DNAJC1: variants seen among roughly 807,000 people sequenced by gnomAD.
The protein encoded by DNAJC1 is DnaJ heat shock protein family (Hsp40) member C1, also known as dnaJ homolog subfamily C member 1.
DNAJC1 carries 58 observed loss-of-function variants against 76.6 expected under a neutral mutation model. That is an observed-to-expected ratio of 0.76 (90% CI 0.61 to 0.94). The LOEUF (loss-of-function observed/expected upper bound fraction) is 0.94, where lower values mean the gene tolerates loss of function less well. Ranked by LOEUF, DNAJC1 falls within the 40% of genes least tolerant of loss-of-function variation. The pLI, the probability that DNAJC1 is intolerant of heterozygous loss-of-function variation, is 0.00. For missense variants in DNAJC1, 689 were observed against 677.3 expected (o/e 1.02, Z -0.19); for synonymous variants, 258 against 267.9 (o/e 0.96, Z 0.36).
intron 8 of DNAJC1, among the ~76,000 whole-genome samples, chr10:21,835,781 G>A (rs999559684): frequency 1.3e-5 from 2 of 152,174 alleles, no homozygotes; most frequent in Admixed American, 6.6e-5. Flanking sequence ...ACATAAAAAA[G>A]AATGAAAAGA....
intron 8 of DNAJC1, among the ~76,000 whole-genome samples, chr10:21,862,572 G>A (rs533836820): frequency 1.3e-5 from 2 of 151,964 alleles, no homozygotes; most frequent in East Asian, 2.0e-4. Flanking sequence ...GAGATTACAG[G>A]TGCATGCCCC....
chr10:21,962,827 G>A (rs1465482092), intron 1 of DNAJC1, among the ~76,000 whole-genome samples: 1 of 151,828 alleles, frequency 6.6e-6, no homozygotes, highest in Non-Finnish European at 1.5e-5. Flanking sequence ...ATGAGAAAAA[G>A]TAAAATATTG....
intron 9 of DNAJC1, among the ~76,000 whole-genome samples, chr10:21,786,263 A>T (rs536875703): frequency 6.6e-6 from 1 of 152,008 alleles, no homozygotes; most frequent in Non-Finnish European, 1.5e-5. Context: ...GATAAAGATA[A>T]GGGAAAAGAG....
intron 9 of DNAJC1, chr10:21,785,458 G>A (rs1834593485): frequency 6.6e-6 from 1 of 152,216 alleles, no homozygotes. Context: ...GATATTCTCT[G>A]GTCCAAGGCC....
At chr10:21,857,749 G>A (rs966951304) in intron 8 of DNAJC1, among the ~76,000 whole-genome samples, 25 of 152,070 alleles carry the variant, frequency 1.6e-4, no homozygotes, top group African/African-American at 4.6e-4. Flanking sequence ...CCAGCTACTC[G>A]GGAGGCTGAG....
At chr10:21,902,485 A>C (rs923813319) in intron 7 of DNAJC1, among the ~76,000 whole-genome samples, 7 of 151,938 alleles carry the variant, frequency 4.6e-5, no homozygotes, top group African/African-American at 1.7e-4. Context: ...TTGTATTTTT[A>C]ATAGAGATGG....
At chr10:21,795,637 C>T (rs1377764449) in intron 9 of DNAJC1, among the ~76,000 whole-genome samples, 3 of 152,138 alleles carry the variant, frequency 2.0e-5, no homozygotes, top group Non-Finnish European at 4.4e-5. Flanking sequence ...CACAACTCTA[C>T]AAATTTACTA....
chr10:21,969,959 G>T (rs1274292249), intron 1 of DNAJC1, among the ~76,000 whole-genome samples: 1 of 151,756 alleles, frequency 6.6e-6, no homozygotes, highest in Non-Finnish European at 1.5e-5. Context: ...TTTATCTGCT[G>T]AGTTTCCAAT....
intron 1 of DNAJC1, among the ~76,000 whole-genome samples, chr10:21,988,717 A>G (rs1029612972): frequency 2.6e-5 from 4 of 152,200 alleles, no homozygotes; most frequent in African/African-American, 9.6e-5. Flanking sequence ...GATTATAAGA[A>G]AACAAATGTT....
Position 21,978,576 on chromosome 10 carries a change from T to A in DNAJC1, c.222+24637A>T, listed in dbSNP as rs1376039305. On this transcript the variant is annotated intron_variant, in intron 1 of 11. Coordinates refer to ENST00000376980, the MANE Select transcript of DNAJC1 (RefSeq NM_022365.4). Reference sequence around the variant, plus strand: ...GATTACATTTTGTCTTCCAATACTATCAAATTATTTCCTGTATGTAAAAGG... The same window carrying A: ...GATTACATTTTGTCTTCCAATACTAACAAATTATTTCCTGTATGTAAAAGG... 9.2e-5 allele frequency among the ~76,000 whole-genome samples: 14 copies of A among 152,086 alleles called. No individual in the cohort carries two copies. The East Asian group carries it at 2.1e-3, about 23-fold the overall frequency.
At chr10:21,986,620 T>C (rs1490255457) in intron 1 of DNAJC1, among the ~76,000 whole-genome samples, 1 of 152,168 alleles carries the variant, frequency 6.6e-6, no homozygotes, top group Non-Finnish European at 1.5e-5. Context: ...CTTTATTCTA[T>C]AAATATGTAA....
intron 8 of DNAJC1, among the ~76,000 whole-genome samples, chr10:21,846,161 T>C (rs1357088982): frequency 6.6e-6 from 1 of 152,216 alleles, no homozygotes; most frequent in Non-Finnish European, 1.5e-5. Context: ...CTCACATAGT[T>C]GATGTAAGGC....
intron 9 of DNAJC1, 138 bp from the exon 10 acceptor site, chr10:21,766,447 G>A (rs1424869180): frequency 4.5e-6 from 3 of 664,710 alleles, no homozygotes; most frequent in East Asian, 2.6e-5. Context: ...GTCGTCTGTC[G>A]CATCCATTAA....
chr10:21,923,830 C>T (rs941370520), intron 3 of DNAJC1, among the ~76,000 whole-genome samples: 12 of 151,638 alleles, frequency 7.9e-5, no homozygotes, highest in African/African-American at 2.7e-4. Flanking sequence ...CACTGAAAAA[C>T]AAATCTAAAA....
At chr10:21,864,788 T>A (rs1835971370) in intron 8 of DNAJC1, among the ~76,000 whole-genome samples, 1 of 152,002 alleles carries the variant, frequency 6.6e-6, no homozygotes, top group African/African-American at 2.4e-5. Context: ...ATACTTTTAC[T>A]AAAATAAAAA....
chr10:21,935,185 ACT>A (rs1837291075), intron 1 of DNAJC1, among the ~76,000 whole-genome samples: 1 of 152,174 alleles, frequency 6.6e-6, no homozygotes, highest in South Asian at 2.1e-4. Context: ...CTAGGCAAAG[ACT>A]CTAAATCAAT....
intron 1 of DNAJC1, among the ~76,000 whole-genome samples, chr10:21,946,892 G>T (rs138391008): frequency 1.2e-3 from 182 of 152,174 alleles, no homozygotes; most frequent in African/African-American, 4.2e-3. Flanking sequence ...GAACCTAATG[G>T]GAGGTGTTTA....
chr10:21,779,694 T>G (rs2131626931), intron 9 of DNAJC1, among the ~76,000 whole-genome samples: 1 of 152,234 alleles, frequency 6.6e-6, no homozygotes, highest in South Asian at 2.1e-4. Flanking sequence ...GCGCCTCTCC[T>G]CCTCCAAAGG....
At chr10:21,989,782 C>G (rs547197183) in intron 1 of DNAJC1, among the ~76,000 whole-genome samples, 2 of 152,166 alleles carry the variant, frequency 1.3e-5, no homozygotes, top group African/African-American at 4.8e-5. Context: ...CAGGAGGGAG[C>G]CCTAAGCCAC....
Sources: allele counts gnomAD v4.1 joint callset (sites outside exome capture counted in the v4.1 genomes callset), GRCh38; gene constraint gnomAD v4.1.1; transcripts MANE v1.5; gene names NCBI Gene and HGNC (gene_info 2026-07-23, HGNC 2026-07-21).